BRCA2: variants seen among roughly 807,000 people sequenced by gnomAD.
The protein encoded by BRCA2 is breast cancer type 2 susceptibility protein.
Under a neutral mutation model 276.7 loss-of-function variants are expected in BRCA2, and 203 were observed. That is an observed-to-expected ratio of 0.73 (90% CI 0.65 to 0.82). The LOEUF (loss-of-function observed/expected upper bound fraction) is 0.82, where lower values mean the gene tolerates loss of function less well. BRCA2 is among the 40% of genes least tolerant of loss of function. The pLI is 0.00. For missense variants in BRCA2, 3,920 were observed against 3,915.0 expected, an observed-to-expected ratio of 1.00 and a Z score of -0.03; for synonymous variants, 1,289 against 1,338.4, an observed-to-expected ratio of 0.96 and a Z score of 0.81.
At chr13:32,367,229 G>A (rs545069331) in intron 18 of BRCA2, among the ~76,000 whole-genome samples, 19 of 152,242 alleles carry the variant, frequency 1.2e-4, no homozygotes, top group African/African-American at 4.3e-4. Flanking sequence ...GGGGTCAGGA[G>A]TTTGAGACCA....
In BRCA2 at chr13:32,379,925, T is replaced by A. The variant is rs1212956665; in HGVS notation, c.9117+12T>A. Reference sequence around the variant, plus strand: ...ATCAACAACTACCGGTACAAACCTTTCATTGTAATTTTTCAGTTTTGATAA... The same window carrying A: ...ATCAACAACTACCGGTACAAACCTTACATTGTAATTTTTCAGTTTTGATAA... On this transcript the variant is annotated intron_variant, in intron 23 of 26. Transcript: ENST00000380152. The A allele has an allele frequency of 1.2e-6, 2 of 1,613,144 alleles. No individual in the cohort carries two copies. The highest frequency in any genetic ancestry group is 3.3e-5 in the Admixed American group (2 of 59,906).
chr13:32,319,777 T>C (rs1341169413), intron 3 of BRCA2, among the ~76,000 whole-genome samples: 1 of 152,230 alleles, frequency 6.6e-6, no homozygotes, highest in East Asian at 1.9e-4. Flanking sequence ...ATATATTCAG[T>C]CATTCAAATA....
intron 18 of BRCA2, among the ~76,000 whole-genome samples, chr13:32,369,218 ATT>A (rs200007569): frequency 1.4e-5 from 2 of 141,664 alleles, no homozygotes; most frequent in Non-Finnish European, 1.6e-5. Context: ...AGTCTCCTGC[ATT>A]TTTTTTTTTA....
intron 3 of BRCA2, among the ~76,000 whole-genome samples, chr13:32,322,935 A>G (rs1472947547): frequency 3.9e-5 from 6 of 152,352 alleles, no homozygotes; most frequent in Middle Eastern, 6.8e-3. Context: ...GGTTCACACC[A>G]AAGAGCACGA....
Position 32,337,293 on chromosome 13 carries a change from G to C in BRCA2, c.2938G>C (p.Asp980His), listed in dbSNP as rs397507298. Residue 980 changes from aspartate (D) to histidine (H), a missense_variant, in exon 11 of 27, where the codon GAT (aspartate) becomes CAT (histidine). This residue lies in a region of BRCA2 where 3,263 missense variants were observed against 3,156.9 expected (regional missense o/e 1.03). Transcript: ENST00000380152. ...AAAATCGGACATCTCCTTGAATATA[G>C]ATAAAATACCAGAAAAAAATAATGA... is the stretch of plus-strand genomic sequence containing the variant. ...DLKSDISLNI[D>H]KIPEKNNDYM... 6.2e-7 allele frequency: 1 copy of C among 1,612,560 alleles called. No individual in the cohort carries two copies.
chr13:32,377,182 G>C (rs1328675024), intron 21 of BRCA2, among the ~76,000 whole-genome samples: 1 of 152,156 alleles, frequency 6.6e-6, no homozygotes, highest in Non-Finnish European at 1.5e-5. Flanking sequence ...GAGTGTACTT[G>C]ATAATCCTCT....
rs80358842 is a variant in BRCA2 at position 32,340,413 on chromosome 13, G to C, written c.6058G>C (p.Glu2020Gln). 1 of 1,613,608 alleles carries C rather than the reference G, an allele frequency of 6.2e-7. No individual in the cohort carries two copies. Among genetic ancestry groups the C allele is most frequent in the South Asian group, 1.1e-5 (1 of 91,038 alleles). ...TTCCAAAGTATTGTTTAAAAGTAAC[G>C]AACATTCAGACCAGCTCACAAGAGA... ...VFSKVLFKSNEHSDQLTREEN... is the reference protein window; with the variant it reads ...VFSKVLFKSNQHSDQLTREEN... Residue 2020 changes from glutamate to glutamine, a missense_variant, in exon 11 of 27, where the codon GAA becomes CAA. Glu to Gln is a conservative substitution (Grantham distance 29). Around this residue, in one of 2 missense-constraint regions of BRCA2, gnomAD observed 3,263 missense variants for 3,156.9 expected, o/e 1.03. Transcript: ENST00000380152.
chr13:32,359,264 C>T (rs2072723260), intron 16 of BRCA2, among the ~76,000 whole-genome samples: 1 of 148,852 alleles, frequency 6.7e-6, no homozygotes, highest in Admixed American at 6.7e-5. Flanking sequence ...TTTGAAATGG[C>T]CTTATGGTAG....
At chr13:32,360,927 G>A (rs1247570527) in intron 16 of BRCA2, among the ~76,000 whole-genome samples, 1 of 152,232 alleles carries the variant, frequency 6.6e-6, no homozygotes, top group African/African-American at 2.4e-5. Context: ...TTAGCAGCTG[G>A]AAGGATAGAG....
rs1593904785 is a variant in BRCA2, at chr13:32,339,568, C to T, written c.5213C>T (p.Thr1738Ile). Residue 1738 changes from threonine to isoleucine, a missense_variant, in exon 11 of 27, where the codon ACT becomes ATT. Thr to Ile is a moderately conservative substitution (Grantham distance 89). Transcript: ENST00000380152. ...DKNHLSEKQD[T>I]YLSNSSMSNS... ...AATCATCTCTCCGAAAAACAAGATA[C>T]TTATTTAAGTAACAGTAGCATGTCT... 1.2e-6 allele frequency: 2 copies of T among 1,608,798 alleles called. No individual in the cohort carries two copies. Among genetic ancestry groups the T allele is most frequent in the South Asian group, 2.2e-5 (2 of 90,302 alleles).
At chr13:32,366,086 C>CA (rs947016640) in intron 18 of BRCA2, among the ~76,000 whole-genome samples, 1 of 151,536 alleles carries the variant, frequency 6.6e-6, no homozygotes, top group Non-Finnish European at 1.5e-5. Context: ...TAACAAAATA[C>CA]AAAAAAAGCA....
chr13:32,351,143 A>G (rs1199773941), intron 13 of BRCA2, among the ~76,000 whole-genome samples: 1 of 152,196 alleles, frequency 6.6e-6, no homozygotes, highest in African/African-American at 2.4e-5. Context: ...ATGCCATGGA[A>G]TCTTTGTTTT....
At chr13:32,360,320 C>T (rs74047014) in intron 16 of BRCA2, among the ~76,000 whole-genome samples, 8 of 152,168 alleles carry the variant, frequency 5.3e-5, no homozygotes, top group African/African-American at 1.9e-4. Flanking sequence ...TTACTCTGCA[C>T]GATTTTTACT....
chr13:32,347,666 G>C (rs2072620905), intron 13 of BRCA2, among the ~76,000 whole-genome samples: 2 of 152,190 alleles, frequency 1.3e-5, no homozygotes, highest in South Asian at 4.1e-4. Context: ...TGTATGTCAA[G>C]CAGTGAGACC....
Position 32,341,028 on chromosome 13 carries a change from A to G in BRCA2, c.6673A>G (p.Thr2225Ala), listed in dbSNP as rs2137529657. The G allele has an allele frequency of 1.2e-6, 2 of 1,613,780 alleles. No individual in the cohort carries two copies. Among genetic ancestry groups the G allele is most frequent in the Admixed American group, 1.7e-5 (1 of 59,984 alleles). Reference protein sequence around the residue: ...YSKDSENYFETEAVEIAKAFM... With the variant: ...YSKDSENYFEAEAVEIAKAFM... ...CAAAGATTCAGAAAACTACTTTGAA[A>G]CAGAAGCAGTAGAAATTGCTAAAGC... Residue 2225 changes from threonine to alanine, a missense_variant, in exon 11 of 27, where the codon ACA becomes GCA. Physicochemically the swap from Thr to Ala is moderately conservative, Grantham distance 58. Transcript: ENST00000380152.
chr13:32,332,791 A>G lies in BRCA2; in HGVS notation c.1313A>G (p.Asp438Gly). 3 of 1,607,602 alleles carry G rather than the reference A, an allele frequency of 1.9e-6. No homozygotes were observed. Among genetic ancestry groups the G allele is most frequent in the Non-Finnish European group, 2.5e-6 (3 of 1,178,446 alleles). The stretch of plus-strand genomic sequence containing the variant: ...GACACAGAGAACAAAAGAAAGAAAG[A>G]TTTTCTTACTTCAGAGAATTCTTTG... ...LLDTENKRKKDFLTSENSLPR... is the reference protein window; with the variant it reads ...LLDTENKRKKGFLTSENSLPR... Residue 438 changes from aspartate to glycine, a missense_variant, in exon 10 of 27, where the codon GAT (aspartate) becomes GGT (glycine). Transcript: ENST00000380152.
At position 32,319,180 on chromosome 13, in the gene BRCA2, C is replaced by T. The variant is rs201523522; in HGVS notation, c.171C>T (p.Tyr57=). 1.1e-5 allele frequency: 18 copies of T among 1,613,998 alleles called. No individual in the cohort carries two copies. The highest frequency in any genetic ancestry group is 2.2e-5 in the East Asian group (1 of 44,870). Reference sequence around the variant, plus strand: ...AATCTGAACATAAAAACAACAATTACGAACCAAACCTATTTAAAACTCCAC... The same window carrying T: ...AATCTGAACATAAAAACAACAATTATGAACCAAACCTATTTAAAACTCCAC... ...AEESEHKNNN[Y]EPNLFKTPQR... is the part of the protein sequence containing the mutation. The change falls in exon 3 of 27, where the codon TAC becomes TAT. Residue 57 remains tyrosine, a synonymous_variant. Coordinates refer to ENST00000380152, the MANE Select transcript of BRCA2 (RefSeq NM_000059.4).
At chr13:32,389,194 G>A (rs752276662) in intron 24 of BRCA2, among the ~76,000 whole-genome samples, 11 of 152,044 alleles carry the variant, frequency 7.2e-5, no homozygotes, top group South Asian at 2.1e-4. Flanking sequence ...TGATTTTGGA[G>A]GGAAAGGGAT....
At position 32,340,284 on chromosome 13, in the gene BRCA2, A is replaced by T; in HGVS notation, c.5929A>T (p.Ile1977Phe). 1 of 1,613,988 alleles carries T rather than the reference A, an allele frequency of 6.2e-7. No individual in the cohort carries two copies. Among genetic ancestry groups the T allele is most frequent in the Non-Finnish European group, 8.5e-7 (1 of 1,179,900 alleles). ...AGTCTCATCTGCAAATACTTGTGGG[A>T]TTTTTAGCACAGCAAGTGGAAAATC... ...KSVSSANTCG[I>F]FSTASGKSVQ... The change falls in exon 11 of 27, where the codon ATT becomes TTT. Residue 1977 changes from isoleucine (I) to phenylalanine (F), a missense_variant. Ile to Phe is a conservative substitution (Grantham distance 21, BLOSUM62 0). Around this residue, in one of 2 missense-constraint regions of BRCA2, gnomAD observed 3,263 missense variants for 3,156.9 expected, o/e 1.03. Coordinates refer to ENST00000380152, the MANE Select transcript of BRCA2 (RefSeq NM_000059.4).
Sources: gnomAD v4.1 joint callset for allele counts (sites outside exome capture counted in the v4.1 genomes callset) on GRCh38, gnomAD v4.1.1 for gene constraint, gnomAD v4.1.1 regional missense constraint, MANE v1.5 for transcripts, NCBI Gene and HGNC (gene_info 2026-07-23, HGNC 2026-07-21) for gene names.